Variants in TJP3 observed in about 807,000 individuals in gnomAD.
TJP3 encodes tight junction protein ZO-3.
Under a neutral mutation model 104.2 loss-of-function variants are expected in TJP3, and 85 were observed. That is an observed-to-expected ratio of 0.82 (90% CI 0.68 to 0.98). The LOEUF (loss-of-function observed/expected upper bound fraction) is 0.98. TJP3 is among the 50% of genes least tolerant of loss of function. The pLI, the probability that TJP3 is intolerant of heterozygous loss-of-function variation, is 0.00. For synonymous variants in TJP3, 550 were observed against 550.6 expected (o/e 1.00, Z 0.02); for missense variants, 1,367 against 1,322.8 (o/e 1.03, Z -0.52).
chr19:3,736,983 GATC>G (rs976566172), intron 11 of TJP3, among the ~76,000 whole-genome samples: 3 of 151,106 alleles, frequency 2.0e-5, no homozygotes, highest in Non-Finnish European at 4.4e-5. Flanking sequence ...GGGTTCAAGG[GATC>G]ATCCTGACTC....
rs1293770982 is a variant in TJP3 at position 3,738,977 on chromosome 19, T to C, written c.1474T>C (p.Ser492Pro). 3 of 1,613,130 alleles carry C rather than the reference T, an allele frequency of 1.9e-6. No homozygotes were observed. Among genetic ancestry groups the C allele is most frequent in the Non-Finnish European group, 2.5e-6 (3 of 1,179,836 alleles). ...CTTTGAGCTGGAGCCCAGTCCACCG[T>C]CTGGCCTGGGCTTCACCCGTGGCGA... ...THFELEPSPP[S>P]GLGFTRGDVF... Residue 492 changes from serine (S) to proline (P), a missense_variant, in exon 13 of 21, where the codon TCT becomes CCT. Transcript: ENST00000541714.
chr19:3,735,069 T>C (rs1229423838), intron 8 of TJP3, among the ~76,000 whole-genome samples: 3 of 152,194 alleles, frequency 2.0e-5, no homozygotes, highest in Non-Finnish European at 4.4e-5. Context: ...CCCAGCTATG[T>C]TGCCCAGGCT....
rs1257029589 is a variant in TJP3 at position 3,733,019 on chromosome 19, TCTC to T, written c.718-733_718-731del. On this transcript the variant is annotated intron_variant, in intron 6 of 20. Transcript: ENST00000541714. ...GACTGTTTTCTTTTCTCTTTTCTTT[TCTC>T]TTCTCTTTTTTCTTTTCTTTTCTTT... Among the ~76,000 whole-genome samples the T allele has an allele frequency of 1.1e-4, 14 of 130,450 alleles. No homozygotes were observed. In the South Asian group the frequency reaches 1.1e-3, roughly 11 times the overall value. The allele number at this position is 130,450 out of a possible 152,430, so 85.6% of individuals were successfully genotyped here. A position where few individuals can be genotyped will look rare whatever the true frequency, so the allele number is the denominator to read the frequency against.
At position 3,747,846 on chromosome 19, in the gene TJP3, A is replaced by C. The variant is rs2036921463; in HGVS notation, c.2375A>C (p.Asp792Ala). The change falls in exon 19 of 21, where the codon GAC (aspartate) becomes GCC (alanine). Residue 792 changes from aspartate to alanine, a missense_variant. Coordinates refer to ENST00000541714, the MANE Select transcript of TJP3 (RefSeq NM_001267560.2). Reference sequence around the variant, plus strand: ...GACCTCCCTCACCACGGCCTGGCCGACAGCTCCGCTGACCTCAGCTGCGAC... The same window carrying C: ...GACCTCCCTCACCACGGCCTGGCCGCCAGCTCCGCTGACCTCAGCTGCGAC... ...NLDLPHHGLA[D>A]SSADLSCDSR... is the part of the protein sequence containing the mutation. 6.2e-7 allele frequency: 1 copy of C among 1,610,838 alleles called. No homozygotes were observed. Among genetic ancestry groups the C allele is most frequent in the Non-Finnish European group, 8.5e-7 (1 of 1,179,626 alleles).
chr19:3,710,595 C>A (rs1332838002), intron 1 of TJP3, among the ~76,000 whole-genome samples: 1 of 152,154 alleles, frequency 6.6e-6, no homozygotes, highest in Non-Finnish European at 1.5e-5. Flanking sequence ...TGGCCAGGGG[C>A]CAGGGGAGCT....
rs1055540862 is a variant in TJP3, at chr19:3,721,963, G to A, written c.-9-6461G>A. 1.9e-6 allele frequency: 2 copies of A among 1,039,568 alleles called. 1 individual carries two copies. The highest frequency in any genetic ancestry group is 2.5e-6 in the Non-Finnish European group (2 of 811,660). The allele number at this position is 1,039,568 out of a possible 1,614,324, so 64.4% of individuals were successfully genotyped here. A position where few individuals can be genotyped will look rare whatever the true frequency, so the allele number is the denominator to read the frequency against. On this transcript the variant is annotated intron_variant, in intron 1 of 20. Transcript: ENST00000541714. The stretch of plus-strand genomic sequence containing the variant: ...GGAGGGGCTCGGGCTGAGGTGGGGT[G>A]GGGGGAAAGCAGGGTTTGGGAGTCG...
chr19:3,741,630 G>GA (rs55944843), intron 14 of TJP3, among the ~76,000 whole-genome samples: 1,401 of 130,992 alleles, frequency 0.011, 16 homozygotes, highest in East Asian at 0.026. Context: ...GTCTTCAAAA[G>GA]AAAAAAAAAA....
At chr19:3,743,885 A>T (rs1048737513) in intron 14 of TJP3, 54 bp from the exon 15 acceptor site, 77 of 1,519,372 alleles carry the variant, frequency 5.1e-5, no homozygotes, top group Non-Finnish European at 6.0e-5. Context: ...ACACACTAGC[A>T]GTCTTTGATC....
At chr19:3,722,462 T>G (rs1599146150) in intron 1 of TJP3, among the ~76,000 whole-genome samples, 1 of 151,568 alleles carries the variant, frequency 6.6e-6, no homozygotes, top group Non-Finnish European at 1.5e-5. Context: ...CCTACAAGGC[T>G]GCACGAGGGA....
intron 15 of TJP3, among the ~76,000 whole-genome samples, chr19:3,744,432 G>A (rs532317112): frequency 4.5e-4 from 69 of 152,278 alleles, no homozygotes; most frequent in African/African-American, 1.6e-3. Flanking sequence ...TTGGGAGTCC[G>A]AGGCGGGTGG....
chr19:3,750,698 G>T lies in TJP3; in HGVS notation c.*14G>T, dbSNP rs1228117620. The T allele has an allele frequency of 6.3e-7, 1 of 1,578,068 alleles. No homozygotes were observed. Among genetic ancestry groups the T allele is most frequent in the Non-Finnish European group, 8.6e-7 (1 of 1,160,386 alleles). The stretch of plus-strand genomic sequence containing the variant: ...ACTGACCTGTGACCTCTCGAAGGCT[G>T]CCAGCTGGTCCGTCCTCCTTCTCCC... On this transcript the variant is annotated 3_prime_UTR_variant, in exon 21 of 21. Coordinates refer to ENST00000541714, the MANE Select transcript of TJP3 (RefSeq NM_001267560.2).
intron 8 of TJP3, 37 bp downstream of exon 8, chr19:3,734,472 G>A (rs747599567): frequency 6.5e-6 from 10 of 1,549,740 alleles, no homozygotes; most frequent in African/African-American, 1.4e-5. Flanking sequence ...GTGATAGGGA[G>A]GGAGAGGGAG....
intron 14 of TJP3, 89 bp from the exon 15 acceptor site, chr19:3,743,850 A>G: frequency 3.3e-6 from 4 of 1,194,506 alleles, no homozygotes; most frequent in Non-Finnish European, 5.0e-6. Context: ...GCTGTTTACT[A>G]TAAGGAAGTG....
intron 1 of TJP3, among the ~76,000 whole-genome samples, chr19:3,715,047 G>A (rs562735214): frequency 1.4e-4 from 21 of 151,446 alleles, no homozygotes; most frequent in African/African-American, 4.6e-4. Context: ...ACTTCGTGAG[G>A]CAACAGTAGA....
chr19:3,736,088 G>T (rs865791080), intron 10 of TJP3, 77 bp from the exon 11 acceptor site: 5 of 1,569,600 alleles, frequency 3.2e-6, no homozygotes, highest in African/African-American at 1.3e-5. Flanking sequence ...GGGGGTGGGG[G>T]CTTTCCCAAG....
In TJP3 at chr19:3,736,227, CA is replaced by C. The variant is rs1207464162; in HGVS notation, c.1191del (p.Gly399AlafsTer31). 1 of 1,592,254 alleles carries C rather than the reference CA, an allele frequency of 6.3e-7. No homozygotes were observed. The highest frequency in any genetic ancestry group is 8.6e-7 in the Non-Finnish European group (1 of 1,169,240). ...LKGKSIGLRL[A>X]GGNDVGIFVS... ...GGCAAGAGCATCGGGCTGCGGCTGG[CA>C]GGGGGCAATGACGTGGGCATCTTCG... is the stretch of plus-strand genomic sequence containing the variant. On this transcript the variant is annotated frameshift_variant, in exon 11 of 21. Coordinates refer to ENST00000541714, the MANE Select transcript of TJP3 (RefSeq NM_001267560.2). LOFTEE classifies it high-confidence loss of function.
At chr19:3,713,818 T>C (rs1160834966) in intron 1 of TJP3, among the ~76,000 whole-genome samples, 1 of 149,506 alleles carries the variant, frequency 6.7e-6, no homozygotes, top group African/African-American at 2.5e-5. Flanking sequence ...CAGGTTGAAG[T>C]GATTCTCCTG....
chr19:3,737,458 CCT>C (rs72384659), intron 11 of TJP3, among the ~76,000 whole-genome samples: 14,670 of 152,096 alleles, frequency 0.096, 1,005 homozygotes, highest in South Asian at 0.25. Flanking sequence ...GCCACCATCC[CCT>C]GTGTCTGTGT....
rs1192756831 is a variant in TJP3, at chr19:3,734,370, C to T, written c.921C>T (p.Ser307=). Residue 307 remains serine (S), a synonymous_variant, in exon 8 of 21, where the codon TCC becomes TCT. Coordinates refer to ENST00000541714, the MANE Select transcript of TJP3 (RefSeq NM_001267560.2). ...LASELSQAPP[S]HIPPPPRHAQ... ...CGGAGCTATCGCAGGCACCACCATC[C>T]CACATCCCACCACCACCCCGGCATG... The T allele has an allele frequency of 6.2e-7, 1 of 1,613,678 alleles. No homozygotes were observed. The highest frequency in any genetic ancestry group is 8.5e-7 in the Non-Finnish European group (1 of 1,180,006).
Sources: allele counts gnomAD v4.1 joint callset (sites outside exome capture counted in the v4.1 genomes callset), GRCh38; gene constraint gnomAD v4.1.1; transcripts MANE v1.5; gene names NCBI Gene and HGNC (gene_info 2026-07-23, HGNC 2026-07-21).